The following AK5 variants were observed in gnomAD, a reference collection of about 807,000 sequenced individuals.
AK5 encodes the protein adenylate kinase isoenzyme 5.
A neutral mutation model predicts 69.5 loss-of-function variants in AK5; 27 were observed. That is an observed-to-expected ratio of 0.39 (90% confidence interval 0.29 to 0.54). AK5 has a LOEUF of 0.54. Ranked by LOEUF, AK5 falls within the 20% of genes least tolerant of loss-of-function variation. The pLI, the probability that AK5 is intolerant of heterozygous loss-of-function variation, is 0.71. For synonymous variants in AK5, 260 were observed against 244.4 expected, an observed-to-expected ratio of 1.06 and a Z score of -0.60; for missense variants, 531 against 700.4, an observed-to-expected ratio of 0.76 and a Z score of 2.73.
At chr1:77,471,951 T>G (rs1654535230) in intron 8 of AK5, among the ~76,000 whole-genome samples, 1 of 152,172 alleles carries the variant, frequency 6.6e-6, no homozygotes, top group African/African-American at 2.4e-5. Flanking sequence ...CTGAGTTAAG[T>G]TATGGATTCC....
At chr1:77,371,982 G>T (rs1263766657) in intron 6 of AK5, among the ~76,000 whole-genome samples, 1 of 152,158 alleles carries the variant, frequency 6.6e-6, no homozygotes, top group Non-Finnish European at 1.5e-5. Flanking sequence ...GAAGGTGTGA[G>T]TTCATCTGAA....
intron 6 of AK5, among the ~76,000 whole-genome samples, chr1:77,345,768 T>C (rs1005255175): frequency 6.6e-6 from 1 of 152,182 alleles, no homozygotes; most frequent in African/African-American, 2.4e-5. Context: ...CCTTCAAATT[T>C]GAGAATCCCC....
At chr1:77,305,818 T>G (rs561073604) in intron 5 of AK5, among the ~76,000 whole-genome samples, 1 of 152,300 alleles carries the variant, frequency 6.6e-6, no homozygotes, top group Admixed American at 6.5e-5. Flanking sequence ...TGGCTTTGGC[T>G]ATTCTGGGTC....
At chr1:77,533,243 C>T (rs540289116) in intron 12 of AK5, among the ~76,000 whole-genome samples, 34 of 152,020 alleles carry the variant, frequency 2.2e-4, no homozygotes, top group African/African-American at 8.0e-4. Flanking sequence ...AGGCTGGGTG[C>T]GGTGGCTCAC....
chr1:77,537,102 G>T (rs368085278), intron 13 of AK5, among the ~76,000 whole-genome samples: 1 of 152,078 alleles, frequency 6.6e-6, no homozygotes, highest in South Asian at 2.1e-4. Flanking sequence ...AGAGACAAAC[G>T]TGTGATCACA....
At chr1:77,537,904 G>C (rs913147534) in intron 13 of AK5, among the ~76,000 whole-genome samples, 1 of 152,168 alleles carries the variant, frequency 6.6e-6, no homozygotes, top group African/African-American at 2.4e-5. Flanking sequence ...TCAGTCAGCA[G>C]GTGTGGCCTG....
At chr1:77,499,594 G>A (rs1656577362) in intron 10 of AK5, among the ~76,000 whole-genome samples, 1 of 152,134 alleles carries the variant, frequency 6.6e-6, no homozygotes, top group African/African-American at 2.4e-5. Flanking sequence ...AGAGCCACAA[G>A]CAGAACACCC....
At chr1:77,481,590 C>T (rs1167213831) in intron 8 of AK5, among the ~76,000 whole-genome samples, 3 of 152,212 alleles carry the variant, frequency 2.0e-5, no homozygotes, top group East Asian at 1.9e-4. Flanking sequence ...GTTTTGAGGG[C>T]GGTTTACCTC....
chr1:77,317,265 G>A (rs902313770), intron 5 of AK5, among the ~76,000 whole-genome samples: 2 of 152,042 alleles, frequency 1.3e-5, no homozygotes, highest in Non-Finnish European at 2.9e-5. Context: ...AGCAGCTCAG[G>A]GCTCTAAAGG....
intron 6 of AK5, among the ~76,000 whole-genome samples, chr1:77,374,866 C>T (rs2100486562): frequency 6.6e-6 from 1 of 151,586 alleles, no homozygotes; most frequent in South Asian, 2.1e-4. Context: ...GTTAAATATT[C>T]ACTACAGTTA....
At chr1:77,406,245 T>C (rs999145846) in intron 6 of AK5, among the ~76,000 whole-genome samples, 1 of 128,024 alleles carries the variant, frequency 7.8e-6, no homozygotes, top group South Asian at 2.6e-4. Context: ...CATCAAGCAA[T>C]GAAGTGGTCC....
At chr1:77,370,749 A>G (rs1288805013) in intron 6 of AK5, among the ~76,000 whole-genome samples, 1 of 152,014 alleles carries the variant, frequency 6.6e-6, no homozygotes, top group Non-Finnish European at 1.5e-5. Context: ...CCAGACTCCA[A>G]CCCCAGCCCA....
intron 8 of AK5, among the ~76,000 whole-genome samples, chr1:77,441,577 A>T (rs1652326529): frequency 6.6e-6 from 1 of 152,200 alleles, no homozygotes; most frequent in Admixed American, 6.5e-5. Flanking sequence ...ATCAGTAATA[A>T]CTGTAGGCAC....
In AK5 at chr1:77,287,126, T is replaced by C. The variant is rs756612766; in HGVS notation, c.246T>C (p.Asn82=). 6 of 1,548,194 alleles carry C rather than the reference T, an allele frequency of 3.9e-6. No individual in the cohort carries two copies. The highest frequency in any genetic ancestry group is 1.7e-6 in the Non-Finnish European group (2 of 1,145,556). The part of the protein sequence containing the change: ...GGQSRRSFLR[N]VMPENSNFPY... ...AGTCACGGAGATCCTTTCTAAGAAA[T>C]GGTAATGTATATGGAGAATAATAGA... Residue 82 remains asparagine (N), a splice_region_variant and synonymous_variant, in exon 2 of 14, where the codon AAT becomes AAC. Coordinates refer to ENST00000354567, the MANE Select transcript of AK5 (RefSeq NM_174858.3).
intron 12 of AK5, 58 bp from the exon 13 acceptor site, chr1:77,535,789 T>C: frequency 6.5e-7 from 1 of 1,528,888 alleles, no homozygotes. Context: ...CCTGGGCCTT[T>C]CCAGAACATC....
At position 77,340,142 on chromosome 1, in the gene AK5, A is replaced by G. The variant is rs560683727; in HGVS notation, c.700-235A>G. On this transcript the variant is annotated intron_variant, in intron 5 of 13. Coordinates refer to ENST00000354567, the MANE Select transcript of AK5 (RefSeq NM_174858.3). ...GAAACTTATTTGAGCATATATAAAA[A>G]GTGTTGGCTACTGCATATGGCCACA... Among the ~76,000 whole-genome samples the G allele has an allele frequency of 2.6e-5, 4 of 152,296 alleles. No homozygotes were observed. The East Asian group carries it at 7.7e-4, about 29-fold the overall frequency.
chr1:77,328,931 C>T (rs750480126), intron 5 of AK5, among the ~76,000 whole-genome samples: 11 of 152,092 alleles, frequency 7.2e-5, no homozygotes, highest in South Asian at 4.1e-4. Flanking sequence ...CTGTTGCCAG[C>T]GTCTGGCAAG....
At chr1:77,381,505 CA>C (rs1227221099) in intron 6 of AK5, among the ~76,000 whole-genome samples, 2 of 152,100 alleles carry the variant, frequency 1.3e-5, no homozygotes, top group African/African-American at 4.8e-5. Context: ...TGCTTGGCAC[CA>C]AAAGAACAAA....
intron 12 of AK5, among the ~76,000 whole-genome samples, chr1:77,528,510 A>G (rs957807597): frequency 3.9e-5 from 6 of 152,234 alleles, no homozygotes; most frequent in African/African-American, 1.2e-4. Context: ...TGGACACTGC[A>G]TATGACATCG....
Sources: gnomAD v4.1 joint callset for allele counts (sites outside exome capture counted in the v4.1 genomes callset) on GRCh38, gnomAD v4.1.1 for gene constraint, MANE v1.5 for transcripts, NCBI Gene and HGNC (gene_info 2026-07-23, HGNC 2026-07-21) for gene names.